FAT3: variants seen among roughly 807,000 people sequenced by gnomAD.
The protein encoded by FAT3 is FAT atypical cadherin 3, also known as protocadherin Fat 3.
A neutral mutation model predicts 310.2 loss-of-function variants in FAT3; 95 were observed. The ratio of observed to expected loss-of-function variants is 0.31; its 90% confidence interval spans 0.26 to 0.36. The LOEUF is 0.36. FAT3 is among the 10% of genes least tolerant of loss of function. FAT3 has a pLI of 1.00. For missense variants in FAT3, 5,408 were observed against 5,715.6 expected, an observed-to-expected ratio of 0.95 and a Z score of 1.74; for synonymous variants, 2,314 against 2,192.9, an observed-to-expected ratio of 1.06 and a Z score of -1.54.
At chr11:92,442,871 G>A (rs895583401) in intron 2 of FAT3, among the ~76,000 whole-genome samples, 5 of 152,060 alleles carry the variant, frequency 3.3e-5, no homozygotes, top group Non-Finnish European at 7.4e-5. Flanking sequence ...ACCTCACTGA[G>A]CCTCAGCATC....
intron 1 of FAT3, among the ~76,000 whole-genome samples, chr11:92,256,633 T>C (rs993486521): frequency 1.8e-4 from 28 of 152,138 alleles, no homozygotes; most frequent in Non-Finnish European, 8.8e-5. Context: ...TCTTTGAAGC[T>C]TAATCATAAT....
intron 1 of FAT3, among the ~76,000 whole-genome samples, chr11:92,337,351 A>G (rs1259858298): frequency 1.3e-5 from 2 of 152,244 alleles, no homozygotes; most frequent in Non-Finnish European, 1.5e-5. Context: ...ACATAAAAGT[A>G]ATGGAAGGAT....
intron 2 of FAT3, among the ~76,000 whole-genome samples, chr11:92,376,702 C>T (rs10765549): frequency 0.37 from 55,683 of 151,888 alleles, 14,621 homozygotes; most frequent in African/African-American, 0.75. Context: ...TCCCAGAATC[C>T]CTCACTTTGG....
intron 1 of FAT3, among the ~76,000 whole-genome samples, chr11:92,322,553 C>T (rs574784479): frequency 7.2e-5 from 11 of 152,222 alleles, no homozygotes; most frequent in Non-Finnish European, 1.5e-4. Flanking sequence ...ATTTAACCTA[C>T]AGCAGAACTT....
rs1353525164 is a variant in FAT3, at chr11:92,667,688, G to C, written c.3608-29696G>C. Among the ~76,000 whole-genome samples the C allele has an allele frequency of 7.2e-5, 11 of 152,242 alleles. No individual in the cohort carries two copies. The South Asian group carries it at 2.3e-3, about 32-fold the overall frequency. On this transcript the variant is annotated intron_variant, in intron 3 of 27. Transcript: ENST00000525166. ...ATGTCATCCCTAGCAACAGGTGGCA[G>C]CCCCCTTTCTCTGAGCCCTCCTCGA...
intron 2 of FAT3, among the ~76,000 whole-genome samples, chr11:92,427,457 G>A (rs185821646): frequency 1.3e-5 from 2 of 152,294 alleles, no homozygotes; most frequent in East Asian, 3.9e-4. Flanking sequence ...AGTTTTCAAA[G>A]GGAATGCTTC....
intron 3 of FAT3, among the ~76,000 whole-genome samples, chr11:92,604,979 A>G (rs893356663): frequency 3.3e-5 from 5 of 152,180 alleles, no homozygotes; most frequent in African/African-American, 1.2e-4. Context: ...TAAAAACAAG[A>G]TATGTACAGG....
intron 2 of FAT3, among the ~76,000 whole-genome samples, chr11:92,434,236 A>G (rs552524666): frequency 1.6e-4 from 25 of 152,254 alleles, no homozygotes; most frequent in East Asian, 9.7e-4. Flanking sequence ...CATGTTCCTC[A>G]TTGACAGTGA....
At chr11:92,571,815 C>T (rs1205794648) in intron 3 of FAT3, among the ~76,000 whole-genome samples, 1 of 152,088 alleles carries the variant, frequency 6.6e-6, no homozygotes, top group Non-Finnish European at 1.5e-5. Flanking sequence ...TTTTGACTTC[C>T]TTCTGCATTT....
chr11:92,537,991 C>T (rs945989901), intron 3 of FAT3, among the ~76,000 whole-genome samples: 12 of 151,950 alleles, frequency 7.9e-5, no homozygotes, highest in Middle Eastern at 3.2e-3. Context: ...GAGTTTTCAT[C>T]GATGCTATTT....
Position 92,578,817 on chromosome 11 carries a change from T to A in FAT3, c.3607+53869T>A, listed in dbSNP as rs1408350020. Among the ~76,000 whole-genome samples the A allele has an allele frequency of 3.3e-5, 5 of 152,082 alleles. No individual in the cohort carries two copies. The South Asian group carries it at 1.0e-3, about 32-fold the overall frequency. On this transcript the variant is annotated intron_variant, in intron 3 of 27. Coordinates refer to ENST00000525166, the MANE Select transcript of FAT3 (RefSeq NM_001367949.2). ...ATCACTTATGAGAGAAGCTTTATGG[T>A]CTTTGCAAGAAAAGTACATGGCAAA... is the stretch of plus-strand genomic sequence containing the variant.
chr11:92,793,126 G>A, intron 9 of FAT3, 149 bp downstream of exon 9: 1 of 710,520 alleles, frequency 1.4e-6, no homozygotes, highest in South Asian at 2.0e-5. Flanking sequence ...TTTGGGAGAT[G>A]ATGGTGGATA....
chr11:92,761,205 G>A (rs112328202), intron 4 of FAT3, among the ~76,000 whole-genome samples: 2 of 152,284 alleles, frequency 1.3e-5, no homozygotes, highest in African/African-American at 4.8e-5. Context: ...GGCACTAGCA[G>A]ATTCAGTGTC....
At chr11:92,674,416 C>A (rs1006650014) in intron 3 of FAT3, among the ~76,000 whole-genome samples, 7 of 151,780 alleles carry the variant, frequency 4.6e-5, no homozygotes, top group African/African-American at 1.5e-4. Context: ...AACATTGAGA[C>A]CCTGGAGTCA....
At chr11:92,720,072 C>T (rs569690840) in intron 4 of FAT3, among the ~76,000 whole-genome samples, 1 of 152,200 alleles carries the variant, frequency 6.6e-6, no homozygotes, top group Admixed American at 6.5e-5. Context: ...GCTTGATTAA[C>T]GTCATTTATG....
intron 1 of FAT3, among the ~76,000 whole-genome samples, chr11:92,342,333 C>T (rs527651362): frequency 4.6e-4 from 70 of 152,234 alleles, no homozygotes; most frequent in Non-Finnish European, 7.8e-4. Context: ...CCTTGCCCTG[C>T]GTTACCATCT....
intron 2 of FAT3, among the ~76,000 whole-genome samples, chr11:92,478,941 TTTCTTTC>T (rs370853989): frequency 0.019 from 1,462 of 78,960 alleles, 23 homozygotes; most frequent in East Asian, 0.053. Context: ...CTTCTCTTTC[TTTCTTTC>T]TTTCTTTTCT....
chr11:92,866,636 A>G, intron 21 of FAT3, 105 bp from the exon 22 acceptor site: 1 of 999,186 alleles, frequency 1.0e-6, no homozygotes, highest in South Asian at 1.7e-5. Context: ...TCATGTCCAC[A>G]TTCCAGCTTT....
At chr11:92,569,456 G>A (rs1488835602) in intron 3 of FAT3, among the ~76,000 whole-genome samples, 21 of 152,186 alleles carry the variant, frequency 1.4e-4, no homozygotes, top group Admixed American at 1.2e-3. Context: ...GAGGAAGCCT[G>A]ATGAGGGGGA....
Sources: allele counts gnomAD v4.1 joint callset (sites outside exome capture counted in the v4.1 genomes callset), GRCh38; gene constraint gnomAD v4.1.1; transcripts MANE v1.5; gene names NCBI Gene and HGNC (gene_info 2026-07-23, HGNC 2026-07-21).